ZEB2: variants seen among roughly 807,000 people sequenced by gnomAD.
ZEB2 encodes the protein zinc finger E-box-binding homeobox 2.
Under a neutral mutation model 99.9 loss-of-function variants are expected in ZEB2, and 6 were observed. The observed-to-expected ratio is 0.06, with a 90% CI of 0.03 to 0.12. The LOEUF (loss-of-function observed/expected upper bound fraction) is 0.12, where lower values mean the gene tolerates loss of function less well. Ranked by LOEUF, ZEB2 falls within the 10% of genes least tolerant of loss-of-function variation. The pLI is 1.00. For synonymous variants in ZEB2, 517 were observed against 542.5 expected (o/e 0.95, Z 0.65); for missense variants, 969 against 1,502.8 (o/e 0.64, Z 5.87).
intron 2 of ZEB2, chr2:144,450,505 G>GTAA (rs747774886): frequency 2.0e-5 from 3 of 152,008 alleles, no homozygotes; most frequent in Non-Finnish European, 2.9e-5. Flanking sequence ...ATGCAAGAAA[G>GTAA]TAACGCCTTA....
chr2:144,397,838 A>G (rs746596971), intron 8 of ZEB2: 12 of 288,454 alleles, frequency 4.2e-5, no homozygotes, highest in South Asian at 3.8e-4. Context: ...ATGGTGTTTT[A>G]CCATGTTGGC....
chr2:144,455,453 G>C (rs1427697889), intron 2 of ZEB2, among the ~76,000 whole-genome samples: 1 of 152,148 alleles, frequency 6.6e-6, no homozygotes, highest in East Asian at 1.9e-4. Flanking sequence ...AGAAAATTAA[G>C]AGTTGATTTT....
chr2:144,512,651 A>C, intron 2 of ZEB2: 2 of 1,287,244 alleles, frequency 1.6e-6, no homozygotes, highest in Non-Finnish European at 2.0e-6. Context: ...GCCCACCCTT[A>C]GTCCTGGTGG....
intron 2 of ZEB2, among the ~76,000 whole-genome samples, chr2:144,492,030 GAC>G (rs1478981435): frequency 1.3e-5 from 2 of 152,166 alleles, no homozygotes; most frequent in African/African-American, 4.8e-5. Context: ...ATAGTCAAGA[GAC>G]CTTGTGCTTC....
chr2:144,449,077 C>A (rs1704022491), intron 2 of ZEB2, among the ~76,000 whole-genome samples: 1 of 152,222 alleles, frequency 6.6e-6, no homozygotes, highest in Non-Finnish European at 1.5e-5. Context: ...GAAAGAGAAA[C>A]TGGCTGAGCT....
intron 2 of ZEB2, among the ~76,000 whole-genome samples, chr2:144,468,297 A>G (rs1261322480): frequency 6.6e-6 from 1 of 152,192 alleles, no homozygotes; most frequent in African/African-American, 2.4e-5. Flanking sequence ...TGAGTGTCCC[A>G]TCCATGACTT....
intron 2 of ZEB2, chr2:144,512,160 TGTC>T (rs1705051088): frequency 7.8e-7 from 1 of 1,287,004 alleles, no homozygotes; most frequent in Admixed American, 2.3e-5. Flanking sequence ...GACAATCAAT[TGTC>T]TGTGAGCATT....
intron 6 of ZEB2, 90 bp from the exon 7 acceptor site, chr2:144,401,397 G>T (rs961753407): frequency 7.7e-7 from 1 of 1,290,656 alleles, no homozygotes; most frequent in Non-Finnish European, 1.1e-6. Flanking sequence ...CTGTTTTTCA[G>T]ACAGGCCAAA....
intron 2 of ZEB2, among the ~76,000 whole-genome samples, chr2:144,479,536 G>T (rs1302715954): frequency 1.3e-5 from 2 of 152,054 alleles, no homozygotes; most frequent in African/African-American, 4.8e-5. Flanking sequence ...AACTTTAAAG[G>T]CCCTTGCAAA....
intron 2 of ZEB2, among the ~76,000 whole-genome samples, chr2:144,491,371 A>AC (rs1704678875): frequency 2.6e-5 from 4 of 152,078 alleles, no homozygotes; most frequent in Admixed American, 2.6e-4. Flanking sequence ...AAAAAAAAAA[A>AC]AAACGACCTA....
In ZEB2 at chr2:144,512,604, T is replaced by G. The variant is rs752914343; in HGVS notation, c.73+4674A>C. On this transcript the variant is annotated intron_variant, in intron 2 of 9. Coordinates refer to ENST00000627532, the MANE Select transcript of ZEB2 (RefSeq NM_014795.4). ...TGGAAGACGTGAATTTATTTGTATC[T>G]GGTAACAGAGAAACAATGTAAAGTT... is the stretch of plus-strand genomic sequence containing the variant. The G allele has an allele frequency of 9.3e-6, 12 of 1,287,104 alleles. No homozygotes were observed. The South Asian group carries it at 1.5e-4, about 16-fold the overall frequency. 79.7% of individuals were successfully genotyped at this position (1,287,104 alleles called of 1,614,324 possible). A position where few individuals can be genotyped will look rare whatever the true frequency, so the allele number is the denominator to read the frequency against.
At chr2:144,510,437 G>A (rs1705015809) in intron 2 of ZEB2, among the ~76,000 whole-genome samples, 1 of 151,948 alleles carries the variant, frequency 6.6e-6, no homozygotes, top group African/African-American at 2.4e-5. Context: ...ACTTAAGGGC[G>A]GGAAGTCCAC....
At position 144,467,467 on chromosome 2, in the gene ZEB2, C is replaced by T. The variant is rs143893806; in HGVS notation, c.74-37441G>A. Among the ~76,000 whole-genome samples, 350 of 152,160 alleles carry T rather than the reference C, an allele frequency of 2.3e-3. 2 individuals carry two copies. Among genetic ancestry groups the T allele is most frequent in the Middle Eastern group, 6.8e-3 (2 of 294 alleles). On this transcript the variant is annotated intron_variant, in intron 2 of 9. Coordinates refer to ENST00000627532, the MANE Select transcript of ZEB2 (RefSeq NM_014795.4). The stretch of plus-strand genomic sequence containing the variant: ...AGAGCCTTTTAAGAATCTGCTTAAA[C>T]GTATGGACCCACTGCCCAGGAAAAA...
At chr2:144,492,192 G>A (rs1704691117) in intron 2 of ZEB2, among the ~76,000 whole-genome samples, 1 of 152,206 alleles carries the variant, frequency 6.6e-6, no homozygotes, top group South Asian at 2.1e-4. Context: ...GCGGAAAATA[G>A]CTAAAATGAT....
chr2:144,479,169 G>T (rs1317087834), intron 2 of ZEB2, among the ~76,000 whole-genome samples: 1 of 152,218 alleles, frequency 6.6e-6, no homozygotes, highest in East Asian at 1.9e-4. Context: ...AAATTTTTAT[G>T]ATCTATTACC....
chr2:144,491,058 C>T (rs550223497), intron 2 of ZEB2, among the ~76,000 whole-genome samples: 2 of 152,312 alleles, frequency 1.3e-5, no homozygotes, highest in South Asian at 2.1e-4. Flanking sequence ...CACGATAGAC[C>T]GGAACAGCTC....
In ZEB2 at chr2:144,399,777, A is replaced by G. The variant is rs34890427; in HGVS notation, c.1410T>C (p.Thr470=). The G allele has an allele frequency of 1.2e-5, 19 of 1,613,878 alleles. No individual in the cohort carries two copies. Among genetic ancestry groups the G allele is most frequent in the Non-Finnish European group, 1.5e-5 (18 of 1,179,980 alleles). Reference sequence around the variant, plus strand: ...TGCAGTCCATTTTTTGCCTGGAAACAGTATTGTCCACAATCTGTAGAACCT... The same window carrying G: ...TGCAGTCCATTTTTTGCCTGGAAACGGTATTGTCCACAATCTGTAGAACCT... ...VQKVLQIVDN[T]VSRQKMDCKA... Residue 470 remains threonine (T), a synonymous_variant, in exon 8 of 10, where the codon ACT becomes ACC. Coordinates refer to ENST00000627532, the MANE Select transcript of ZEB2 (RefSeq NM_014795.4). The surrounding 1 kb of genome is among the most constrained non-coding windows in gnomAD (Gnocchi z 5.6).
chr2:144,424,218 A>G (rs1703659076), intron 4 of ZEB2: 1 of 356,730 alleles, frequency 2.8e-6, no homozygotes, highest in South Asian at 2.2e-5. Context: ...TTTTAGCTTC[A>G]TTAAAAATAA....
At chr2:144,507,953 C>CAA (rs1209268953) in intron 2 of ZEB2, among the ~76,000 whole-genome samples, 54 of 152,268 alleles carry the variant, frequency 3.5e-4, no homozygotes, top group African/African-American at 1.3e-3. Flanking sequence ...AAGGTTTTGC[C>CAA]AACCTCAATT....
Sources: gnomAD v4.1 joint callset for allele counts (sites outside exome capture counted in the v4.1 genomes callset) on GRCh38, gnomAD v4.1.1 for gene constraint, Gnocchi (gnomAD v3.1) non-coding constraint, MANE v1.5 for transcripts, NCBI Gene and HGNC (gene_info 2026-07-23, HGNC 2026-07-21) for gene names.